The following NLRP3 variants were observed in gnomAD, a reference collection of about 807,000 sequenced individuals.
NLRP3 encodes the protein NACHT, LRR and PYD domains-containing protein 3.
Under a neutral mutation model 91.3 loss-of-function variants are expected in NLRP3, and 48 were observed. That is an observed-to-expected ratio of 0.53 (90% CI 0.42 to 0.67). NLRP3 has a LOEUF of 0.67. Among genes scored for constraint, NLRP3 ranks in the 30% least tolerant of loss-of-function variants. The pLI is 0.00. For synonymous variants in NLRP3, 561 were observed against 507.9 expected (o/e 1.10, Z -1.41); for missense variants, 982 against 1,276.9 (o/e 0.77, Z 3.52).
At chr1:247,441,919 G>A (rs58287798) in intron 7 of NLRP3, among the ~76,000 whole-genome samples, 7,245 of 152,288 alleles carry the variant, frequency 0.048, 272 homozygotes, top group Admixed American at 0.11. Flanking sequence ...GGTAAAGCCT[G>A]CATAACTTTA....
chr1:247,436,208 G>T, intron 7 of NLRP3, 68 bp downstream of exon 7: 1 of 1,511,394 alleles, frequency 6.6e-7, no homozygotes, highest in South Asian at 1.2e-5. Flanking sequence ...TGGAAAATGT[G>T]GATGGGGGTT....
chr1:247,421,776 A>C (rs1315571033), intron 2 of NLRP3, among the ~76,000 whole-genome samples: 3 of 152,216 alleles, frequency 2.0e-5, no homozygotes, highest in African/African-American at 7.2e-5. Flanking sequence ...TTGAGGCAGA[A>C]AAGTTATAAC....
intron 7 of NLRP3, among the ~76,000 whole-genome samples, chr1:247,437,866 T>C (rs894477726): frequency 5.3e-5 from 8 of 152,238 alleles, no homozygotes; most frequent in Non-Finnish European, 1.2e-4. Context: ...AAGCGTGGGA[T>C]GGGCTGTGAA....
intron 8 of NLRP3, 37 bp from the exon 9 acceptor site, chr1:247,444,614 A>G (rs754109146): frequency 5.0e-6 from 8 of 1,610,834 alleles, no homozygotes; most frequent in Non-Finnish European, 5.9e-6. Context: ...GGGGATGGTT[A>G]AGGGGACATT....
chr1:247,438,161 T>G lies in NLRP3; in HGVS notation c.2663+2021T>G, dbSNP rs1031974318. On this transcript the variant is annotated intron_variant, in intron 7 of 9. Coordinates refer to ENST00000336119, the MANE Select transcript of NLRP3 (RefSeq NM_001243133.2). ...GTCTGAGACTGAGGCATCAGCAGGCTGGGTCCTTATAGGTCGTACAGGTCC... is the reference window on the plus strand; with the variant it reads ...GTCTGAGACTGAGGCATCAGCAGGCGGGGTCCTTATAGGTCGTACAGGTCC... 1.3e-5 allele frequency among the ~76,000 whole-genome samples: 2 copies of G among 152,208 alleles called. 1 individual carries two copies. The highest frequency in any genetic ancestry group is 4.1e-4 in the South Asian group (2 of 4,830).
intron 7 of NLRP3, among the ~76,000 whole-genome samples, chr1:247,439,413 A>T (rs1160288863): frequency 6.6e-6 from 1 of 152,082 alleles, no homozygotes; most frequent in Non-Finnish European, 1.5e-5. Context: ...GTGGAATGTC[A>T]TCTTGCTGAC....
intron 6 of NLRP3, among the ~76,000 whole-genome samples, chr1:247,435,564 G>A (rs932860560): frequency 9.2e-5 from 14 of 152,112 alleles, no homozygotes; most frequent in South Asian, 2.1e-4. Context: ...ATGGGAGGGC[G>A]GAGAGTGGGA....
At chr1:247,442,464 G>C (rs1295298428) in intron 7 of NLRP3, among the ~76,000 whole-genome samples, 1 of 152,062 alleles carries the variant, frequency 6.6e-6, no homozygotes, top group Non-Finnish European at 1.5e-5. Flanking sequence ...TGATAGAATG[G>C]GCTTAATTTG....
At chr1:247,431,185 A>AAATAATAATAATAATAATAAT (rs549986882) in intron 5 of NLRP3, among the ~76,000 whole-genome samples, 1 of 150,918 alleles carries the variant, frequency 6.6e-6, no homozygotes, top group African/African-American at 2.4e-5. Flanking sequence ...TTCCATTTCA[A>AAATAATAATAATAATAATAAT]AATAATAATA....
intron 9 of NLRP3, among the ~76,000 whole-genome samples, chr1:247,446,673 T>C (rs1367028013): frequency 9.5e-4 from 11 of 11,604 alleles, no homozygotes; most frequent in African/African-American, 3.3e-3. Context: ...CTACTGAAAA[T>C]AGAAGCACTT....
At chr1:247,433,164 G>A (rs868308021) in intron 5 of NLRP3, among the ~76,000 whole-genome samples, 6 of 151,888 alleles carry the variant, frequency 4.0e-5, no homozygotes, top group East Asian at 1.9e-4. Flanking sequence ...CTATGATCTC[G>A]CCAGTGCACT....
intron 2 of NLRP3, 78 bp downstream of exon 2, chr1:247,419,155 TA>T: frequency 3.2e-6 from 3 of 933,706 alleles, no homozygotes; most frequent in Admixed American, 5.3e-5. Flanking sequence ...TATATATATA[TA>T]TATATATATT....
At chr1:247,422,492 C>T (rs917029290) in intron 2 of NLRP3, among the ~76,000 whole-genome samples, 8 of 152,054 alleles carry the variant, frequency 5.3e-5, no homozygotes, top group Admixed American at 3.3e-4. Flanking sequence ...CTGAATTTCT[C>T]CTATAGAATG....
chr1:247,426,473 T>C (rs548724884), intron 4 of NLRP3, among the ~76,000 whole-genome samples: 1 of 152,298 alleles, frequency 6.6e-6, no homozygotes, highest in East Asian at 1.9e-4. Context: ...ATGTGTGAGT[T>C]TAGCCTGGAT....
chr1:247,431,697 C>T (rs980592353), intron 5 of NLRP3, among the ~76,000 whole-genome samples: 10 of 152,308 alleles, frequency 6.6e-5, no homozygotes, highest in South Asian at 2.1e-4. Flanking sequence ...TTCCCTCACC[C>T]GACCATTCTC....
At chr1:247,423,389 C>A (rs749913603) in intron 3 of NLRP3, 40 bp downstream of exon 3, 1 of 1,612,522 alleles carries the variant, frequency 6.2e-7, no homozygotes, top group South Asian at 1.1e-5. Context: ...AGTTTTAAGA[C>A]CTGGTTCAGG....
intron 5 of NLRP3, among the ~76,000 whole-genome samples, chr1:247,433,179 C>T (rs1020685600): frequency 2.6e-5 from 4 of 151,740 alleles, no homozygotes; most frequent in Admixed American, 1.3e-4. Flanking sequence ...TGCACTCCAG[C>T]CTGTGCAACA....
At chr1:247,427,330 G>T (rs1662964036) in intron 4 of NLRP3, among the ~76,000 whole-genome samples, 1 of 152,216 alleles carries the variant, frequency 6.6e-6, no homozygotes, top group South Asian at 2.1e-4. Flanking sequence ...CAAACATTCA[G>T]ACCATAGAAA....
Position 247,425,355 on chromosome 1 carries a change from C to T in NLRP3, c.1906C>T (p.Gln636Ter). The change falls in exon 4 of 10, where the codon CAG becomes TAG. Residue 636 changes from glutamine (Q) to a stop codon, truncating the protein, a stop_gained. Transcript: ENST00000336119. LOFTEE classifies it high-confidence loss of function. The surrounding 1 kb of genome is among the most constrained non-coding windows in gnomAD (Gnocchi z 4.1). ...LELFYCLYEM[Q>*]EEDFVQRAMD... is the part of the protein sequence containing the mutation. ...ATTGTTCTACTGTTTGTACGAGATG[C>T]AGGAGGAGGACTTCGTGCAAAGGGC... 6.2e-7 allele frequency: 1 copy of T among 1,614,184 alleles called. No individual in the cohort carries two copies.
Sources: allele counts gnomAD v4.1 joint callset (sites outside exome capture counted in the v4.1 genomes callset), GRCh38; gene constraint gnomAD v4.1.1; non-coding constraint Gnocchi (gnomAD v3.1); transcripts MANE v1.5; gene names NCBI Gene and HGNC (gene_info 2026-07-23, HGNC 2026-07-21).